The following BLTP1 variants were observed in gnomAD, a reference collection of about 807,000 sequenced individuals.
BLTP1 encodes the protein bridge-like lipid transfer protein family member 1, also known as fragile site-associated protein.
At chr4:122,240,040 C>A in the BLTP1 span, 1 of 1,614,178 alleles carries the variant, frequency 6.2e-7, no homozygotes, top group Non-Finnish European at 8.5e-7. Context: ...GATTCCAGAA[C>A]TCTGCCATTC....
chr4:122,265,792 G>A, the BLTP1 span, among the ~76,000 whole-genome samples: 2 of 152,012 alleles, frequency 1.3e-5, no homozygotes. Context: ...TCCACCTCCC[G>A]GGTTCACGCC....
the BLTP1 span, chr4:122,205,771 CTT>C: frequency 1.6e-5 from 2 of 126,404 alleles, no homozygotes; most frequent in African/African-American, 6.0e-5. Context: ...CTCTCTCTCT[CTT>C]TCTCTGTCAC....
the BLTP1 span, among the ~76,000 whole-genome samples, chr4:122,216,085 GTCTATCTATCTATCTATCTATCTATCTA>G: frequency 3.4e-4 from 49 of 144,510 alleles, no homozygotes; most frequent in South Asian, 6.9e-4. Context: ...ATCTTTGTCT[GTCTATCTATCTATCTATCTATCTATCTA>G]TCTATCTATC....
the BLTP1 span, chr4:122,356,698 G>A: frequency 6.2e-7 from 1 of 1,613,758 alleles, no homozygotes; most frequent in Non-Finnish European, 8.5e-7. Flanking sequence ...TATGGATGCT[G>A]AGCTCATCAT....
the BLTP1 span, chr4:122,344,942 A>C: frequency 1.0e-6 from 1 of 985,254 alleles, no homozygotes; most frequent in Non-Finnish European, 1.2e-6. Flanking sequence ...GAAAACCTTG[A>C]ATTGTGTGCA....
the BLTP1 span, among the ~76,000 whole-genome samples, chr4:122,155,158 AAT>A: frequency 1.2e-4 from 18 of 152,154 alleles, no homozygotes; most frequent in African/African-American, 4.3e-4. Context: ...TTTGTGAATT[AAT>A]ATGTTTTCTT....
At chr4:122,277,623 C>T in the BLTP1 span, 9 of 955,028 alleles carry the variant, frequency 9.4e-6, no homozygotes, top group Non-Finnish European at 1.0e-5. Context: ...GATACCAATT[C>T]TTAATAAAAG....
chr4:122,276,715 G>A, the BLTP1 span: 2 of 904,650 alleles, frequency 2.2e-6, no homozygotes, highest in Non-Finnish European at 2.6e-6. Flanking sequence ...TGCTGACTAG[G>A]CCAATTCCGT....
At chr4:122,210,073 C>G in the BLTP1 span, 2 of 1,320,044 alleles carry the variant, frequency 1.5e-6, no homozygotes, top group Non-Finnish European at 2.0e-6. Context: ...TTGTAGCTAC[C>G]TTTTGAGCAT....
At chr4:122,152,997 G>C in the BLTP1 span, 1 of 985,202 alleles carries the variant, frequency 1.0e-6, no homozygotes, top group Non-Finnish European at 1.2e-6. Flanking sequence ...GGGAAGCCTT[G>C]GAACAACCCC....
At chr4:122,154,514 C>T in the BLTP1 span, 1 of 979,582 alleles carries the variant, frequency 1.0e-6, no homozygotes, top group Non-Finnish European at 1.2e-6. Context: ...TAACAGGTGT[C>T]AAAATTCTGT....
chr4:122,229,965 A>G, the BLTP1 span: 3 of 1,613,858 alleles, frequency 1.9e-6, no homozygotes, highest in South Asian at 2.2e-5. Context: ...TGTAATCTCC[A>G]CAATCAATCG....
At chr4:122,344,764 CAT>C in the BLTP1 span, 1 of 973,682 alleles carries the variant, frequency 1.0e-6, no homozygotes, top group Non-Finnish European at 1.2e-6. Flanking sequence ...GATAAATAGA[CAT>C]ATCACCCAAG....
At chr4:122,244,263 T>A in the BLTP1 span, among the ~76,000 whole-genome samples, 1 of 152,132 alleles carries the variant, frequency 6.6e-6, no homozygotes, top group Non-Finnish European at 1.5e-5. Flanking sequence ...TAATTGGAGT[T>A]GTCCCTCCAT....
At chr4:122,181,261 A>G in the BLTP1 span, 22 of 968,446 alleles carry the variant, frequency 2.3e-5, no homozygotes, top group African/African-American at 3.3e-4. Flanking sequence ...AAAGAGCTAT[A>G]CTGGACAACT....
chr4:122,192,417 A>G, the BLTP1 span: 4 of 1,229,658 alleles, frequency 3.3e-6, no homozygotes, highest in Non-Finnish European at 4.6e-6. Context: ...AGTTTTTTAG[A>G]TGTATTTAGA....
At chr4:122,185,802 G>C in the BLTP1 span, among the ~76,000 whole-genome samples, 3 of 151,868 alleles carry the variant, frequency 2.0e-5, no homozygotes, top group East Asian at 5.8e-4. Flanking sequence ...TATATAACTG[G>C]AATCTAGAAA....
chr4:122,164,698 G>C, the BLTP1 span, among the ~76,000 whole-genome samples: 3 of 151,830 alleles, frequency 2.0e-5, no homozygotes, highest in African/African-American at 7.3e-5. Context: ...TGATTATATT[G>C]GTATGGACTC....
the BLTP1 span, among the ~76,000 whole-genome samples, chr4:122,186,392 T>C: frequency 6.6e-6 from 1 of 151,972 alleles, no homozygotes; most frequent in Non-Finnish European, 1.5e-5. Context: ...TGAGATAATA[T>C]AGAATATGTA....
Sources: gnomAD v4.1 joint callset for allele counts (sites outside exome capture counted in the v4.1 genomes callset) on GRCh38, gnomAD v4.1.1 for gene constraint, MANE v1.5 for transcripts, NCBI Gene and HGNC (gene_info 2026-07-23, HGNC 2026-07-21) for gene names.